The following HACD3 variants were observed in gnomAD, a reference collection of about 807,000 sequenced individuals.
HACD3 encodes the protein very-long-chain (3R)-3-hydroxyacyl-CoA dehydratase 3.
HACD3 carries 30 observed loss-of-function variants against 55.2 expected under a neutral mutation model. The ratio of observed to expected loss-of-function variants is 0.54; its 90% CI spans 0.41 to 0.74. The LOEUF (loss-of-function observed/expected upper bound fraction) is 0.74. Among genes scored for constraint, HACD3 ranks in the 30% least tolerant of loss-of-function variants. The probability of loss-of-function intolerance (pLI) is 0.00; values close to 1 mark genes in which losing one functional copy is unlikely to be tolerated. For missense variants in HACD3, 363 were observed against 440.1 expected (o/e 0.82, Z 1.57); for synonymous variants, 141 against 151.7 (o/e 0.93, Z 0.52).
chr15:65,571,635 A>G lies in HACD3; in HGVS notation c.861A>G (p.Pro287=), dbSNP rs2072349077. The G allele has an allele frequency of 2.5e-6, 4 of 1,613,132 alleles. No individual in the cohort carries two copies. The highest frequency in any genetic ancestry group is 3.4e-6 in the Non-Finnish European group (4 of 1,179,304). Residue 287 remains proline (P), a synonymous_variant, in exon 9 of 11, where the codon CCA becomes CCG. Coordinates refer to ENST00000261875, the MANE Select transcript of HACD3 (RefSeq NM_016395.4). ...ACACTCTGTGGATTCCCTTATATCC[A>G]CTGGGATGTTTGGCGGAAGGTACTC... The part of the protein sequence containing the change: ...LRYTLWIPLY[P]LGCLAEAVSV...
intron 2 of HACD3, among the ~76,000 whole-genome samples, chr15:65,552,781 C>T (rs973584561): frequency 8.0e-5 from 12 of 150,926 alleles, no homozygotes; most frequent in Admixed American, 1.3e-4. Context: ...CATGCTGGTG[C>T]GCTGCACCCA....
Position 65,555,105 on chromosome 15 carries a change from G to T in HACD3, c.204+145G>T. The T allele has an allele frequency of 4.5e-6, 3 of 660,244 alleles. No individual in the cohort carries two copies. The South Asian group carries it at 5.7e-5, about 13-fold the overall frequency. 40.9% of individuals were successfully genotyped at this position (660,244 alleles called of 1,614,324 possible). ...GTTCTTTTATTTGGAACAGAGCCCA[G>T]GTTTTAGCTGCAGAGGAATGGGAAA... On this transcript the variant is annotated intron_variant, in intron 3 of 10. Transcript: ENST00000261875.
chr15:65,572,869 T>G (rs914649561), intron 10 of HACD3, among the ~76,000 whole-genome samples: 1 of 148,970 alleles, frequency 6.7e-6, no homozygotes, highest in Non-Finnish European at 1.5e-5. Flanking sequence ...GACCTGAGAT[T>G]GCAGCATTGC....
intron 8 of HACD3, among the ~76,000 whole-genome samples, chr15:65,570,691 C>A (rs2072339238): frequency 6.6e-6 from 1 of 152,156 alleles, no homozygotes; most frequent in Admixed American, 6.5e-5. Context: ...GCATAAATAT[C>A]TTTTAAGAAA....
At chr15:65,548,615 C>T (rs780744684) in intron 1 of HACD3, among the ~76,000 whole-genome samples, 21 of 151,968 alleles carry the variant, frequency 1.4e-4, no homozygotes, top group Admixed American at 1.2e-3. Flanking sequence ...GTCTGTCATC[C>T]AGGCTGGAAT....
At position 65,572,221 on chromosome 15, in the gene HACD3, G is replaced by A. The variant is rs2072355031; in HGVS notation, c.881-14G>A. ...TTTCATTTGCTTCTAACAAGTTCTT[G>A]TTTCTGTTTTCAGCTGTCTCAGTGA... On this transcript the variant is annotated splice_polypyrimidine_tract_variant and intron_variant, in intron 9 of 10. Coordinates refer to ENST00000261875, the MANE Select transcript of HACD3 (RefSeq NM_016395.4). 1 of 1,610,492 alleles carries A rather than the reference G, an allele frequency of 6.2e-7. No homozygotes were observed. The highest frequency in any genetic ancestry group is 1.7e-5 in the Admixed American group (1 of 59,216).
intron 1 of HACD3, among the ~76,000 whole-genome samples, chr15:65,542,327 G>A (rs750933730): frequency 6.6e-6 from 1 of 151,754 alleles, no homozygotes. Context: ...GCAGTGGTGT[G>A]ATCCTGGCTC....
chr15:65,572,103 T>C, intron 9 of HACD3, 132 bp from the exon 10 acceptor site: 1 of 1,169,036 alleles, frequency 8.6e-7, no homozygotes, highest in Non-Finnish European at 1.2e-6. Context: ...GCATGAGCTT[T>C]CTGTACAAAG....
intron 7 of HACD3, chr15:65,566,817 A>AT (rs1452812174): frequency 6.6e-6 from 1 of 152,186 alleles, no homozygotes; most frequent in African/African-American, 2.4e-5. Context: ...GACTTTTACT[A>AT]TTTCAGGTCT....
At chr15:65,563,996 G>A (rs189382078) in intron 6 of HACD3, among the ~76,000 whole-genome samples, 2 of 152,044 alleles carry the variant, frequency 1.3e-5, no homozygotes, top group Admixed American at 6.5e-5. Flanking sequence ...AGGCATATAA[G>A]GTGTACGTGT....
chr15:65,571,391 G>A (rs2072345953), intron 8 of HACD3, among the ~76,000 whole-genome samples, 157 bp from the exon 9 acceptor site: 1 of 152,220 alleles, frequency 6.6e-6, no homozygotes. Flanking sequence ...AGGGCGCAGT[G>A]TGGCAGGAGT....
chr15:65,563,096 T>C (rs1054329751), intron 6 of HACD3, among the ~76,000 whole-genome samples: 1 of 152,116 alleles, frequency 6.6e-6, no homozygotes, highest in Non-Finnish European at 1.5e-5. Flanking sequence ...TAATAAAATA[T>C]AGGCCTAGAG....
At chr15:65,533,658 G>A (rs1596201485) in intron 1 of HACD3, among the ~76,000 whole-genome samples, 1 of 151,438 alleles carries the variant, frequency 6.6e-6, no homozygotes, top group East Asian at 1.9e-4. Context: ...GAGTGTCACG[G>A]GTTGCCTTTT....
intron 5 of HACD3, 108 bp from the exon 6 acceptor site, chr15:65,562,666 A>G (rs2072254906): frequency 7.0e-7 from 1 of 1,430,880 alleles, no homozygotes; most frequent in Admixed American, 2.2e-5. Flanking sequence ...GGAGCTTAGG[A>G]GCATTCAGGA....
chr15:65,540,485 C>T (rs1016779397), intron 1 of HACD3, among the ~76,000 whole-genome samples: 8 of 152,098 alleles, frequency 5.3e-5, no homozygotes, highest in African/African-American at 9.7e-5. Flanking sequence ...ATATTCTAGC[C>T]GGGTGAAACT....
chr15:65,570,299 G>A (rs1013692461), intron 8 of HACD3, 96 bp downstream of exon 8: 32 of 894,136 alleles, frequency 3.6e-5, no homozygotes, highest in Admixed American at 1.3e-4. Context: ...AGTCTCATTT[G>A]GTTTGGGACT....
Position 65,577,045 on chromosome 15 carries a change from C to G in HACD3, c.*666C>G, listed in dbSNP as rs899763584. ...AAAGAAACTAATCAGAATCTTGGAA[C>G]ATCATGATCATGCCATTCTTAAGTA... On this transcript the variant is annotated 3_prime_UTR_variant, in exon 11 of 11. Coordinates refer to ENST00000261875, the MANE Select transcript of HACD3 (RefSeq NM_016395.4). 6.6e-6 allele frequency: 1 copy of G among 152,182 alleles called. No homozygotes were observed. The highest frequency in any genetic ancestry group is 2.4e-5 in the African/African-American group (1 of 41,438). 9.4% of individuals were successfully genotyped at this position (152,182 alleles called of 1,614,324 possible).
intron 1 of HACD3, among the ~76,000 whole-genome samples, chr15:65,545,386 G>GTTT (rs1184528629): frequency 6.6e-6 from 1 of 151,746 alleles, no homozygotes; most frequent in Non-Finnish European, 1.5e-5. Flanking sequence ...AAATAAAAGT[G>GTTT]TAAGTCTGTA....
At chr15:65,531,249 C>A (rs887832940) in intron 1 of HACD3, 4 of 152,588 alleles carry the variant, frequency 2.6e-5, no homozygotes, top group Admixed American at 6.5e-5. Context: ...ACCTCGCAAC[C>A]GTTCAGTGAT....
Sources: allele counts gnomAD v4.1 joint callset (sites outside exome capture counted in the v4.1 genomes callset), GRCh38; gene constraint gnomAD v4.1.1; transcripts MANE v1.5; gene names NCBI Gene and HGNC (gene_info 2026-07-23, HGNC 2026-07-21).